KBTBD12: variants seen among roughly 807,000 people sequenced by gnomAD.
KBTBD12 encodes kelch repeat and BTB domain containing 12, also known as kelch repeat and BTB domain-containing protein 12.
A neutral mutation model predicts 58.7 loss-of-function variants in KBTBD12; 53 were observed. The observed-to-expected ratio is 0.90, with a 90% CI of 0.72 to 1.14. The LOEUF (loss-of-function observed/expected upper bound fraction) is 1.14. KBTBD12 is among the 50% of genes most tolerant of loss of function. The probability of loss-of-function intolerance (pLI) is 0.00; values close to 1 mark genes in which losing one functional copy is unlikely to be tolerated. For missense variants in KBTBD12, 704 were observed against 751.3 expected, an observed-to-expected ratio of 0.94 and a Z score of 0.74; for synonymous variants, 236 against 259.8, an observed-to-expected ratio of 0.91 and a Z score of 0.88.
chr3:127,916,667 C>T (rs1939248308), intron 1 of KBTBD12, among the ~76,000 whole-genome samples: 1 of 144,098 alleles, frequency 6.9e-6, no homozygotes, highest in Admixed American at 7.1e-5. Context: ...TTCAGCTTAG[C>T]ATGTTGACAG....
intron 4 of KBTBD12, among the ~76,000 whole-genome samples, chr3:127,957,317 T>C (rs1052965653): frequency 1.3e-5 from 2 of 152,242 alleles, no homozygotes; most frequent in Non-Finnish European, 2.9e-5. Flanking sequence ...ATATTGTGCT[T>C]AGCACCTCAG....
At chr3:127,928,178 G>A (rs1939621540) in intron 3 of KBTBD12, 144 bp downstream of exon 3, 3 of 702,964 alleles carry the variant, frequency 4.3e-6, no homozygotes, top group African/African-American at 1.8e-5. Context: ...TATAACTCAA[G>A]GTTTTAAAGT....
intron 4 of KBTBD12, among the ~76,000 whole-genome samples, chr3:127,953,196 CAA>C (rs1361846018): frequency 6.6e-6 from 1 of 152,130 alleles, no homozygotes; most frequent in Non-Finnish European, 1.5e-5. Context: ...TAGTAAGTGG[CAA>C]AGAGTCCACT....
rs931317760 is a variant in KBTBD12, at chr3:127,924,141, T to A, written c.1070+10T>A. ...ATGTTGAAATTTATAGGTTTGTATC[T>A]AGCAGCAAATTTGCTTAATTATTTT... is the stretch of plus-strand genomic sequence containing the variant. On this transcript the variant is annotated intron_variant, in intron 2 of 5. Transcript: ENST00000405109. 7.1e-6 allele frequency: 11 copies of A among 1,544,406 alleles called. No individual in the cohort carries two copies. Among genetic ancestry groups the A allele is most frequent in the African/African-American group, 4.1e-5 (3 of 72,436 alleles).
At chr3:127,959,941 G>T (rs544198611) in intron 4 of KBTBD12, among the ~76,000 whole-genome samples, 3 of 152,204 alleles carry the variant, frequency 2.0e-5, no homozygotes, top group Non-Finnish European at 4.4e-5. Flanking sequence ...CGTGGGTGCC[G>T]ACAATAGTAA....
In KBTBD12 at chr3:127,923,692, G is replaced by A. The variant is rs547175764; in HGVS notation, c.631G>A (p.Val211Met). 6.2e-7 allele frequency: 1 copy of A among 1,613,864 alleles called. No individual in the cohort carries two copies. Among genetic ancestry groups the A allele is most frequent in the South Asian group, 1.1e-5 (1 of 91,078 alleles). The change falls in exon 2 of 6, where the codon GTG becomes ATG. Residue 211 changes from valine to methionine, a missense_variant. Transcript: ENST00000405109. The stretch of plus-strand genomic sequence containing the variant: ...AAATCATAACAAAGAATTGCGTACA[G>A]TGCATCTTGTTGAGCTTTTGAAGCA... ...WVNHNKELRT[V>M]HLVELLKQVR...
chr3:127,984,495 G>T lies in KBTBD12; in HGVS notation c.*217G>T. On this transcript the variant is annotated 3_prime_UTR_variant, in exon 6 of 6. Transcript: ENST00000405109. ...GGTAAATAAGACACTACAAAGAAGAGGTGATGACGGCCACAGGAGGGGCAC... is the reference window on the plus strand; with the variant it reads ...GGTAAATAAGACACTACAAAGAAGATGTGATGACGGCCACAGGAGGGGCAC... The T allele has an allele frequency of 4.4e-6, 2 of 456,936 alleles. No homozygotes were observed. Among genetic ancestry groups the T allele is most frequent in the Non-Finnish European group, 7.9e-6 (2 of 253,760 alleles). The allele number at this position is 456,936 out of a possible 1,614,324, so 28.3% of individuals were successfully genotyped here. A position where few individuals can be genotyped will look rare whatever the true frequency, so the allele number is the denominator to read the frequency against.
intron 4 of KBTBD12, 24 bp from the exon 5 acceptor site, chr3:127,963,165 A>C (rs1940480335): frequency 6.4e-7 from 1 of 1,564,872 alleles, no homozygotes; most frequent in African/African-American, 1.4e-5. Context: ...TGATCCTCTC[A>C]TTTCTCCACA....
At chr3:127,957,420 C>A (rs1453644194) in intron 4 of KBTBD12, among the ~76,000 whole-genome samples, 1 of 152,122 alleles carries the variant, frequency 6.6e-6, no homozygotes, top group Non-Finnish European at 1.5e-5. Context: ...ACTAATAGCT[C>A]TTTGCAGGAC....
intron 5 of KBTBD12, among the ~76,000 whole-genome samples, chr3:127,975,762 G>A (rs777990193): frequency 3.3e-5 from 5 of 151,962 alleles, no homozygotes; most frequent in Admixed American, 6.5e-5. Context: ...TTTTCTCTCC[G>A]AACTCTATCA....
intron 5 of KBTBD12, among the ~76,000 whole-genome samples, chr3:127,976,941 C>T (rs545950430): frequency 6.6e-6 from 1 of 152,228 alleles, no homozygotes; most frequent in South Asian, 2.1e-4. Flanking sequence ...GTTTGGTGTA[C>T]AGATTATTTC....
chr3:127,926,381 A>G (rs1939568181), intron 2 of KBTBD12, among the ~76,000 whole-genome samples: 1 of 152,206 alleles, frequency 6.6e-6, no homozygotes, highest in Non-Finnish European at 1.5e-5. Context: ...GGTAGCCCCC[A>G]CATATATTAC....
At position 127,984,462 on chromosome 3, in the gene KBTBD12, C is replaced by G. The variant is rs1940931831; in HGVS notation, c.*184C>G. The stretch of plus-strand genomic sequence containing the variant: ...GAGTCTCCCTTCAGGGACTTCCCAG[C>G]CTGATAGGGTAAATAAGACACTACA... On this transcript the variant is annotated 3_prime_UTR_variant, in exon 6 of 6. Transcript: ENST00000405109. The G allele has an allele frequency of 1.8e-6, 1 of 564,154 alleles. No individual in the cohort carries two copies. Among genetic ancestry groups the G allele is most frequent in the Non-Finnish European group, 3.1e-6 (1 of 320,150 alleles). The allele number at this position is 564,154 out of a possible 1,614,324, so 34.9% of individuals were successfully genotyped here.
chr3:127,965,228 T>C (rs1203029119), intron 5 of KBTBD12, among the ~76,000 whole-genome samples: 2 of 152,238 alleles, frequency 1.3e-5, no homozygotes, highest in Non-Finnish European at 2.9e-5. Flanking sequence ...AATTAGAGAA[T>C]TGATATCCTC....
chr3:127,937,007 G>A lies in KBTBD12; in HGVS notation c.1492+6724G>A, dbSNP rs566617890. 2.0e-5 allele frequency among the ~76,000 whole-genome samples: 3 copies of A among 152,268 alleles called. No homozygotes were observed. In the South Asian group the frequency reaches 6.2e-4, roughly 32 times the overall value. On this transcript the variant is annotated intron_variant, in intron 4 of 5. Transcript: ENST00000405109. Reference sequence around the variant, plus strand: ...TATTTTAAAATGCCTCAGACTGGTAGTGTGGTCAGGTACCTGGAAAAAGCA... The same window carrying A: ...TATTTTAAAATGCCTCAGACTGGTAATGTGGTCAGGTACCTGGAAAAAGCA...
At chr3:127,917,247 TGGG>T (rs1197062025) in intron 1 of KBTBD12, among the ~76,000 whole-genome samples, 5 of 152,218 alleles carry the variant, frequency 3.3e-5, no homozygotes, top group Non-Finnish European at 7.3e-5. Flanking sequence ...CATCTCAAGT[TGGG>T]GTTCCCTCTT....
intron 4 of KBTBD12, among the ~76,000 whole-genome samples, chr3:127,956,407 A>T (rs1215273593): frequency 6.6e-6 from 1 of 151,684 alleles, no homozygotes; most frequent in Admixed American, 6.6e-5. Context: ...CCTGTATTAT[A>T]TATGTTTTCA....
At chr3:127,982,348 G>C (rs1215001968) in intron 5 of KBTBD12, among the ~76,000 whole-genome samples, 1 of 152,082 alleles carries the variant, frequency 6.6e-6, no homozygotes, top group Non-Finnish European at 1.5e-5. Context: ...CTGTGCACAC[G>C]AGCCAGCCCA....
At chr3:127,963,810 G>A (rs1158382579) in intron 5 of KBTBD12, 1 of 154,636 alleles carries the variant, frequency 6.5e-6, no homozygotes, top group African/African-American at 2.4e-5. Flanking sequence ...ACTATGGTGA[G>A]ACTAAAGAAG....
Sources: allele counts gnomAD v4.1 joint callset (sites outside exome capture counted in the v4.1 genomes callset), GRCh38; gene constraint gnomAD v4.1.1; transcripts MANE v1.5; gene names NCBI Gene and HGNC (gene_info 2026-07-23, HGNC 2026-07-21).